The following MTMR10 variants were observed in gnomAD, a reference collection of about 807,000 sequenced individuals.
MTMR10 encodes the protein myotubularin related protein 10, also known as myotubularin-related protein 10.
A neutral mutation model predicts 88.1 loss-of-function variants in MTMR10; 56 were observed. That is an observed-to-expected ratio of 0.64 (90% CI 0.51 to 0.79). The LOEUF (loss-of-function observed/expected upper bound fraction) is 0.79, where lower values mean the gene tolerates loss of function less well. MTMR10 is among the 30% of genes least tolerant of loss of function. The pLI is 0.00. For missense variants in MTMR10, 883 were observed against 924.7 expected, an observed-to-expected ratio of 0.95 and a Z score of 0.58; for synonymous variants, 380 against 340.9, an observed-to-expected ratio of 1.11 and a Z score of -1.26.
At chr15:30,991,412 G>A (rs985735735) in intron 1 of MTMR10, 35 bp downstream of exon 1, 4 of 1,459,854 alleles carry the variant, frequency 2.7e-6, no homozygotes, top group African/African-American at 1.5e-5. Context: ...GAAGCGCAGA[G>A]GAGAGTCGGG....
chr15:30,929,699 ATAT>A, the MTMR10 span, among the ~76,000 whole-genome samples: 6 of 63,966 alleles, frequency 9.4e-5, no homozygotes, highest in East Asian at 4.0e-4. Flanking sequence ...TATAAAATAT[ATAT>A]TATATCATAT....
At chr15:30,975,100 C>A in intron 3 of MTMR10, 97 bp from the exon 4 acceptor site, 1 of 917,388 alleles carries the variant, frequency 1.1e-6, no homozygotes, top group Non-Finnish European at 1.6e-6. Flanking sequence ...TGACAGTTAT[C>A]TCTAAAAAGC....
the MTMR10 span, among the ~76,000 whole-genome samples, chr15:30,933,524 C>T: frequency 7.9e-5 from 12 of 152,086 alleles, no homozygotes; most frequent in Non-Finnish European, 1.5e-4. Flanking sequence ...TTTGTTGAGA[C>T]TTGTTTTATG....
rs755782626 is a variant in MTMR10 at position 30,941,439 on chromosome 15, T to C, written c.*31A>G. 6.4e-7 allele frequency: 1 copy of C among 1,574,452 alleles called. No homozygotes were observed. Among genetic ancestry groups the C allele is most frequent in the South Asian group, 1.2e-5 (1 of 83,176 alleles). Reference sequence around the variant, plus strand: ...AATTCAGAGGAAAAAAGTTGACAGCTTCCCTCAAAATGTTCAGAAAACACC... The same window carrying C: ...AATTCAGAGGAAAAAAGTTGACAGCCTCCCTCAAAATGTTCAGAAAACACC... On this transcript the variant is annotated 3_prime_UTR_variant, in exon 16 of 16. Transcript: ENST00000435680.
chr15:30,987,145 G>A (rs1405515366), intron 2 of MTMR10, among the ~76,000 whole-genome samples: 2 of 152,178 alleles, frequency 1.3e-5, no homozygotes, highest in African/African-American at 4.8e-5. Flanking sequence ...TTCAATTCCA[G>A]GCTCCGACAT....
At chr15:30,961,100 T>C in intron 6 of MTMR10, 27 bp from the exon 7 acceptor site, 1 of 1,530,290 alleles carries the variant, frequency 6.5e-7, no homozygotes, top group Non-Finnish European at 8.8e-7. Flanking sequence ...CATTATGAAT[T>C]TTAACAGTCA....
At position 30,941,347 on chromosome 15, in the gene MTMR10, GC is replaced by G. The variant is rs1239235308; in HGVS notation, c.*122del. On this transcript the variant is annotated 3_prime_UTR_variant, in exon 16 of 16. Coordinates refer to ENST00000435680, the MANE Select transcript of MTMR10 (RefSeq NM_017762.3). ...ATTCAACATGTTTTTAAATATTAGT[GC>G]AAATTCCAACTATTATTCTTACATA... 2.0e-6 allele frequency: 3 copies of G among 1,534,460 alleles called. No homozygotes were observed. In the African/African-American group the frequency reaches 4.1e-5, roughly 21 times the overall value.
the MTMR10 span, among the ~76,000 whole-genome samples, chr15:30,918,951 A>G: frequency 8.5e-5 from 13 of 152,126 alleles, no homozygotes; most frequent in South Asian, 6.2e-4. Flanking sequence ...CTTCCCCACT[A>G]CTTAATTAAT....
the MTMR10 span, chr15:30,930,451 C>T: frequency 6.9e-7 from 1 of 1,449,904 alleles, no homozygotes; most frequent in South Asian, 1.4e-5. Flanking sequence ...ATTACATATA[C>T]ACTGAGCTTT....
In MTMR10 at chr15:30,947,153, G is replaced by T; in HGVS notation, c.1525C>A (p.His509Asn). The change falls in exon 14 of 16, where the codon CAC (histidine) becomes AAC (asparagine). Residue 509 changes from histidine to asparagine, a missense_variant. By Grantham distance (68) the His-to-Asn change is moderately conservative. This residue lies in a region of MTMR10 where 126 missense variants were observed against 178.2 expected (regional missense o/e 0.71). Transcript: ENST00000435680. ...LFGTFLFNSP[H>N]QRVKQSTEFA... ...ACCGTGCTTTGCTTCACTCGCTGGT[G>T]AGGGGAGTTGAACAGGAAGGTGCCA... 1 of 1,611,002 alleles carries T rather than the reference G, an allele frequency of 6.2e-7. No homozygotes were observed. Among genetic ancestry groups the T allele is most frequent in the Non-Finnish European group, 8.5e-7 (1 of 1,178,862 alleles).
intron 6 of MTMR10, among the ~76,000 whole-genome samples, chr15:30,962,983 T>C (rs2063423136): frequency 6.6e-6 from 1 of 152,136 alleles, no homozygotes; most frequent in African/African-American, 2.4e-5. Flanking sequence ...TAATATCAAG[T>C]AACTAAATAC....
chr15:30,941,363 AT>A lies in MTMR10; in HGVS notation c.*106del. On this transcript the variant is annotated 3_prime_UTR_variant, in exon 16 of 16. Coordinates refer to ENST00000435680, the MANE Select transcript of MTMR10 (RefSeq NM_017762.3). ...AATATTAGTGCAAATTCCAACTATT[AT>A]TCTTACATATAAAGTTATTAGAGAT... 1.3e-6 allele frequency: 2 copies of A among 1,538,060 alleles called. No homozygotes were observed. Among genetic ancestry groups the A allele is most frequent in the Middle Eastern group, 1.7e-4 (1 of 5,924 alleles).
In MTMR10 at chr15:30,959,272, C is replaced by T. The variant is rs146129596; in HGVS notation, c.759-151G>A. ...GGTGGGCACCATGGGGGGGCAGTGA[C>T]GATCCTACACCTCTTAGTCTAAAAT... On this transcript the variant is annotated intron_variant, in intron 7 of 15. Transcript: ENST00000435680. 4.9e-3 allele frequency among the ~76,000 whole-genome samples: 749 copies of T among 152,146 alleles called. 6 individuals carry two copies. The highest frequency in any genetic ancestry group is 0.017 in the African/African-American group (706 of 41,504).
the MTMR10 span, chr15:30,927,994 C>A: frequency 4.1e-6 from 4 of 985,830 alleles, no homozygotes; most frequent in African/African-American, 1.7e-5. Context: ...TCTGTAAAAG[C>A]CTTGACTATC....
Position 30,968,534 on chromosome 15 carries a change from A to AACACACACACACACACACAC in MTMR10, c.475-544_475-525dup, listed in dbSNP as rs61503155. On this transcript the variant is annotated intron_variant, in intron 5 of 15. Transcript: ENST00000435680. ...GCTCAAAGAGGTACATCAAAAAAAC[A>AACACACACACACACACACAC]ACACACACACACACACACACACACA... Among the ~76,000 whole-genome samples, 428 of 143,142 alleles carry AACACACACACACACACACAC rather than the reference A, an allele frequency of 3.0e-3. 4 individuals are homozygous for AACACACACACACACACACAC. The highest frequency in any genetic ancestry group is 0.011 in the African/African-American group (402 of 37,466). The allele number at this position is 143,142 out of a possible 152,430, so 93.9% of individuals were successfully genotyped here.
intron 13 of MTMR10, 90 bp downstream of exon 13, chr15:30,948,212 A>ATTT (rs957499472): frequency 1.6e-6 from 2 of 1,255,164 alleles, no homozygotes; most frequent in Non-Finnish European, 2.2e-6. Context: ...TAAATACAGT[A>ATTT]TTTTTTAAAA....
intron 9 of MTMR10, 43 bp downstream of exon 9, chr15:30,958,820 C>G: frequency 6.3e-7 from 1 of 1,586,920 alleles, no homozygotes; most frequent in Non-Finnish European, 8.7e-7. Context: ...AGTTACACAA[C>G]AAGTAAAACT....
intron 14 of MTMR10, among the ~76,000 whole-genome samples, chr15:30,945,324 G>A (rs1003519674): frequency 6.6e-6 from 1 of 152,194 alleles, no homozygotes; most frequent in Non-Finnish European, 1.5e-5. Flanking sequence ...AACAGGGAAA[G>A]CAGAGGAAAT....
rs1430688894 is a variant in MTMR10, at chr15:30,940,392, G to A, written c.*1078C>T. ...CTTCTGTCGCTATTCAAATGGCAGTGTTTTGAGAGAATCCATTTTTTTATT... is the reference window on the plus strand; with the variant it reads ...CTTCTGTCGCTATTCAAATGGCAGTATTTTGAGAGAATCCATTTTTTTATT... On this transcript the variant is annotated 3_prime_UTR_variant, in exon 16 of 16. Transcript: ENST00000435680. 3 of 985,304 alleles carry A rather than the reference G, an allele frequency of 3.0e-6. No individual in the cohort carries two copies. Among genetic ancestry groups the A allele is most frequent in the Admixed American group, 6.1e-5 (1 of 16,268 alleles). 61.0% of individuals were successfully genotyped at this position (985,304 alleles called of 1,614,324 possible). A position where few individuals can be genotyped will look rare whatever the true frequency, so the allele number is the denominator to read the frequency against.
Sources: gnomAD v4.1 joint callset for allele counts (sites outside exome capture counted in the v4.1 genomes callset) on GRCh38, gnomAD v4.1.1 for gene constraint, gnomAD v4.1.1 regional missense constraint, MANE v1.5 for transcripts, NCBI Gene and HGNC (gene_info 2026-07-23, HGNC 2026-07-21) for gene names.